The following TG variants were observed in gnomAD, a reference collection of about 807,000 sequenced individuals.
TG encodes thyroid hormones.
Under a neutral mutation model 324.7 loss-of-function variants are expected in TG, and 270 were observed. The ratio of observed to expected loss-of-function variants is 0.83; its 90% CI spans 0.75 to 0.92. TG has a LOEUF of 0.92. Among genes scored for constraint, TG ranks in the 40% least tolerant of loss-of-function variants. The pLI is 0.00. For missense variants in TG, 3,591 were observed against 3,456.4 expected (o/e 1.04, Z -0.98); for synonymous variants, 1,401 against 1,327.0 (o/e 1.06, Z -1.21).
At chr8:132,945,772 C>T (rs1030574666) in intron 26 of TG, among the ~76,000 whole-genome samples, 2 of 151,988 alleles carry the variant, frequency 1.3e-5, no homozygotes, top group Non-Finnish European at 2.9e-5. Context: ...AGTGGATCCT[C>T]GCGAAAGCTA....
Position 132,887,228 on chromosome 8 carries a change from C to G in TG, c.1856C>G (p.Ser619Ter). 6.2e-7 allele frequency: 1 copy of G among 1,608,576 alleles called. No individual in the cohort carries two copies. Among genetic ancestry groups the G allele is most frequent in the Non-Finnish European group, 8.5e-7 (1 of 1,176,502 alleles). Residue 619 changes from serine (S) to a stop codon, truncating the protein, a stop_gained, in exon 9 of 48, where the codon TCA (serine) becomes TGA (stop). Coordinates refer to ENST00000220616, the MANE Select transcript of TG (RefSeq NM_003235.5). LOFTEE classifies it high-confidence loss of function. ...ACACCTGAAAGGCTATTTGTCCCAT[C>G]ATGCACGACAGAAGGAAGCTATGAG... is the stretch of plus-strand genomic sequence containing the variant. ...EQTPERLFVP[S>*]CTTEGSYEDV...
intron 21 of TG, 102 bp from the exon 22 acceptor site, chr8:132,923,234 GAT>G (rs1821353923): frequency 8.0e-7 from 1 of 1,244,232 alleles, no homozygotes; most frequent in South Asian, 1.2e-5. Flanking sequence ...GTCTGAGTTA[GAT>G]GTGTGACTTG....
chr8:133,025,653 G>A (rs997155613), intron 40 of TG, among the ~76,000 whole-genome samples: 41 of 152,240 alleles, frequency 2.7e-4, no homozygotes, highest in African/African-American at 9.6e-4. Context: ...GTTGCCTGAT[G>A]TCCTGGACCC....
Position 132,907,721 on chromosome 8 carries a change from G to A in TG, c.3848-465G>A, listed in dbSNP as rs150669824. ...CAGGATGGTCACAACTGACCCTAGA[G>A]CAAAGGACTTTGGGGAAAAGAGGCA... is the stretch of plus-strand genomic sequence containing the variant. On this transcript the variant is annotated intron_variant, in intron 17 of 47. Transcript: ENST00000220616. 9.2e-5 allele frequency among the ~76,000 whole-genome samples: 14 copies of A among 152,308 alleles called. 1 individual carries two copies. The highest frequency in any genetic ancestry group is 3.4e-4 in the African/African-American group (14 of 41,576).
chr8:132,950,085 G>A (rs994854204), intron 27 of TG, among the ~76,000 whole-genome samples: 2 of 152,254 alleles, frequency 1.3e-5, no homozygotes, highest in African/African-American at 4.8e-5. Flanking sequence ...TCCAGATAAT[G>A]CTTATGTAGC....
intron 37 of TG, 109 bp from the exon 38 acceptor site, chr8:133,017,668 CA>C: frequency 2.8e-6 from 3 of 1,087,794 alleles, no homozygotes; most frequent in Non-Finnish European, 2.8e-6. Context: ...TTTCAAGGTG[CA>C]AAAACCGTGA....
chr8:132,970,001 A>G lies in TG; in HGVS notation c.5975+432A>G, dbSNP rs1036847061. The stretch of plus-strand genomic sequence containing the variant: ...AATAAGGAGGTAACCATATCTGAAA[A>G]CCTCAGCTAAGGTAAGTTACTGATA... On this transcript the variant is annotated intron_variant, in intron 32 of 47. Coordinates refer to ENST00000220616, the MANE Select transcript of TG (RefSeq NM_003235.5). Among the ~76,000 whole-genome samples the G allele has an allele frequency of 3.3e-5, 5 of 151,766 alleles. No homozygotes were observed. In the South Asian group the frequency reaches 1.0e-3, roughly 32 times the overall value.
In TG at chr8:133,029,685, A is replaced by T; in HGVS notation, c.7037-136A>T. On this transcript the variant is annotated intron_variant, in intron 40 of 47. Transcript: ENST00000220616. ...CTGTTCCTCACTGTATTTGGAACCC[A>T]CAGTCTCTACCTGTGAGGACAAGAG... 4.8e-6 allele frequency: 5 copies of T among 1,042,224 alleles called. No individual in the cohort carries two copies. The South Asian group carries it at 6.7e-5, about 14-fold the overall frequency. The allele number at this position is 1,042,224 out of a possible 1,614,324, so 64.6% of individuals were successfully genotyped here.
intron 41 of TG, chr8:133,036,595 G>A (rs937356901): frequency 2.0e-5 from 3 of 152,284 alleles, no homozygotes; most frequent in African/African-American, 7.2e-5. Flanking sequence ...ATGCTGAGCT[G>A]CTAACTGGCA....
chr8:132,897,136 C>T (rs928247125), intron 11 of TG, among the ~76,000 whole-genome samples: 2 of 152,202 alleles, frequency 1.3e-5, no homozygotes, highest in African/African-American at 4.8e-5. Context: ...TGATGTCAAT[C>T]GCCCTCCTGT....
intron 13 of TG, 93 bp from the exon 14 acceptor site, chr8:132,898,705 G>T: frequency 9.5e-7 from 1 of 1,051,854 alleles, no homozygotes; most frequent in Admixed American, 1.8e-5. Context: ...ATTCACCCAG[G>T]CTCATGACCC....
At chr8:132,950,961 C>T (rs2130129254) in intron 27 of TG, among the ~76,000 whole-genome samples, 1 of 152,280 alleles carries the variant, frequency 6.6e-6, no homozygotes, top group East Asian at 1.9e-4. Context: ...GCTGAAGACA[C>T]TCAGGCACAT....
At chr8:132,904,270 A>C (rs989066038) in intron 16 of TG, among the ~76,000 whole-genome samples, 14 of 152,336 alleles carry the variant, frequency 9.2e-5, no homozygotes, top group Admixed American at 8.5e-4. Context: ...CTCTTGTAAG[A>C]TGGCAGGTGT....
chr8:133,113,367 G>T, intron 43 of TG, 55 bp from the exon 44 acceptor site: 7 of 1,602,450 alleles, frequency 4.4e-6, no homozygotes, highest in Non-Finnish European at 6.0e-6. Flanking sequence ...GAGGGACACT[G>T]ACTTGGACCT....
At chr8:132,951,935 G>A (rs1218079570) in intron 27 of TG, among the ~76,000 whole-genome samples, 2 of 152,186 alleles carry the variant, frequency 1.3e-5, no homozygotes, top group African/African-American at 2.4e-5. Flanking sequence ...CTGGGTACAG[G>A]AACAGTTGCA....
intron 35 of TG, among the ~76,000 whole-genome samples, chr8:132,990,241 CTG>C (rs1238175348): frequency 6.6e-6 from 1 of 150,808 alleles, no homozygotes; most frequent in Non-Finnish European, 1.5e-5. Flanking sequence ...TTATGGATAA[CTG>C]TTATTAAGGT....
chr8:132,969,910 C>CAAAA (rs11335158), intron 32 of TG, among the ~76,000 whole-genome samples: 23 of 58,016 alleles, frequency 4.0e-4, no homozygotes, highest in Non-Finnish European at 5.6e-4. Context: ...GAGACTCTGT[C>CAAAA]AAAAAAAAAA....
intron 19 of TG, among the ~76,000 whole-genome samples, chr8:132,912,183 ATC>A (rs1819628990): frequency 6.6e-6 from 1 of 152,174 alleles, no homozygotes; most frequent in African/African-American, 2.4e-5. Flanking sequence ...AGGAGACTGC[ATC>A]TCTGTCATTC....
chr8:132,896,399 G>A (rs766441668), intron 11 of TG, among the ~76,000 whole-genome samples: 3 of 152,184 alleles, frequency 2.0e-5, no homozygotes, highest in Non-Finnish European at 4.4e-5. Context: ...AAGCTCTCTC[G>A]TCTGGAGCCA....
Sources: allele counts gnomAD v4.1 joint callset (sites outside exome capture counted in the v4.1 genomes callset), GRCh38; gene constraint gnomAD v4.1.1; transcripts MANE v1.5; gene names NCBI Gene and HGNC (gene_info 2026-07-23, HGNC 2026-07-21).